UBR7: variants seen among roughly 807,000 people sequenced by gnomAD.
UBR7 encodes ubiquitin protein ligase E3 component n-recognin 7.
UBR7 carries 22 observed loss-of-function variants against 57.0 expected under a neutral mutation model. That is an observed-to-expected ratio of 0.39 (90% CI 0.28 to 0.55). The LOEUF (loss-of-function observed/expected upper bound fraction) is 0.55, where lower values mean the gene tolerates loss of function less well. Ranked by LOEUF, UBR7 falls within the 20% of genes least tolerant of loss-of-function variation. The probability of loss-of-function intolerance (pLI) is 0.69; values close to 1 mark genes in which losing one functional copy is unlikely to be tolerated. For synonymous variants in UBR7, 167 were observed against 179.8 expected (o/e 0.93, Z 0.57); for missense variants, 395 against 513.2 (o/e 0.77, Z 2.23).
At chr14:93,222,034 G>C (rs1044221273) in intron 9 of UBR7, among the ~76,000 whole-genome samples, 1 of 151,378 alleles carries the variant, frequency 6.6e-6, no homozygotes, top group Non-Finnish European at 1.5e-5. Flanking sequence ...GAAATAGGAA[G>C]CCCTTTTAAA....
At chr14:93,223,947 A>C (rs1018809555) in intron 10 of UBR7, 20 of 732,702 alleles carry the variant, frequency 2.7e-5, no homozygotes, top group Non-Finnish European at 4.4e-5. Context: ...ACCTGCCCAC[A>C]GTAGACAATC....
rs533612893 is a variant in UBR7 at position 93,220,293 on chromosome 14, C to T, written c.1005C>T (p.Tyr335=). The stretch of plus-strand genomic sequence containing the variant: ...ATGTCTTATTCCTGACAGATGAATA[C>T]GACACAGTTCTGGCTTATGAAAACA... ...DLDVLFLTDE[Y]DTVLAYENKG... The change falls in exon 9 of 11, where the codon TAC becomes TAT. Residue 335 remains tyrosine (Y), a synonymous_variant. Coordinates refer to ENST00000013070, the MANE Select transcript of UBR7 (RefSeq NM_175748.4). 3.2e-5 allele frequency: 51 copies of T among 1,602,788 alleles called. No homozygotes were observed. Among genetic ancestry groups the T allele is most frequent in the African/African-American group, 5.6e-5 (4 of 71,788 alleles).
At chr14:93,220,120 A>G in intron 8 of UBR7, 129 bp from the exon 9 acceptor site, 1 of 888,656 alleles carries the variant, frequency 1.1e-6, no homozygotes. Context: ...AAGACGCTCC[A>G]GTTTTTCTAG....
At chr14:93,223,580 C>T (rs538717116) in intron 10 of UBR7, 25 of 894,952 alleles carry the variant, frequency 2.8e-5, no homozygotes, top group South Asian at 4.2e-5. Context: ...GGGGCACACC[C>T]GGGCGAGGGC....
chr14:93,218,281 C>T (rs1333673698), intron 6 of UBR7, among the ~76,000 whole-genome samples: 2 of 151,734 alleles, frequency 1.3e-5, no homozygotes, highest in Non-Finnish European at 2.9e-5. Flanking sequence ...CATGGTGGCA[C>T]GCACCTGTAG....
At chr14:93,220,021 C>G (rs8018773) in intron 8 of UBR7, among the ~76,000 whole-genome samples, 6,530 of 151,874 alleles carry the variant, frequency 0.043, 160 homozygotes, top group African/African-American at 0.075. Context: ...AAATAAAGAT[C>G]TCATAGACCA....
At chr14:93,213,451 G>C (rs1260548901) in intron 4 of UBR7, among the ~76,000 whole-genome samples, 1 of 151,848 alleles carries the variant, frequency 6.6e-6, no homozygotes, top group Non-Finnish European at 1.5e-5. Context: ...GGGACTACAG[G>C]TGCCCGCCAC....
chr14:93,226,516 C>T (rs1176097591), intron 10 of UBR7, among the ~76,000 whole-genome samples: 2 of 152,110 alleles, frequency 1.3e-5, no homozygotes, highest in African/African-American at 2.4e-5. Context: ...GTAGGCTGGG[C>T]ACGGTGGCTC....
chr14:93,226,622 C>A (rs1341678208), intron 10 of UBR7, among the ~76,000 whole-genome samples: 1 of 152,002 alleles, frequency 6.6e-6, no homozygotes, highest in African/African-American at 2.4e-5. Context: ...AACCCCGTCT[C>A]TACTAAAAAT....
At chr14:93,210,753 T>A in intron 3 of UBR7, 45 bp downstream of exon 3, 1 of 1,521,358 alleles carries the variant, frequency 6.6e-7, no homozygotes, top group Non-Finnish European at 9.1e-7. Context: ...GCAGCTGAGG[T>A]TAATATTTGC....
At chr14:93,218,846 C>T (rs886431318) in intron 7 of UBR7, 111 bp downstream of exon 7, 13 of 1,150,646 alleles carry the variant, frequency 1.1e-5, no homozygotes, top group South Asian at 1.0e-4. Context: ...CCTGAGGTCA[C>T]GGGTTTGAGA....
At chr14:93,207,580 A>C in intron 1 of UBR7, 139 bp downstream of exon 1, 2 of 1,225,602 alleles carry the variant, frequency 1.6e-6, no homozygotes, top group Middle Eastern at 2.9e-4. Context: ...CCGCTTCCTC[A>C]CCCCAAGCTC....
chr14:93,223,722 G>A (rs1894766488), intron 10 of UBR7: 1 of 834,362 alleles, frequency 1.2e-6, no homozygotes, highest in South Asian at 1.4e-5. Flanking sequence ...CCGGCTGGCG[G>A]CACTTGCTGG....
chr14:93,213,203 C>G (rs1894520873), intron 4 of UBR7, among the ~76,000 whole-genome samples: 1 of 151,980 alleles, frequency 6.6e-6, no homozygotes, highest in Non-Finnish European at 1.5e-5. Flanking sequence ...AAAGTTGTAC[C>G]AGCAACAGTA....
At position 93,228,622 on chromosome 14, in the gene UBR7, G is replaced by A. The variant is rs1451466275; in HGVS notation, c.*1587G>A. Reference sequence around the variant, plus strand: ...GGAAGGTCTTGTGGCCACAGGACATGCTGGTGAGCCCTGAGCTGGCCTTGT... The same window carrying A: ...GGAAGGTCTTGTGGCCACAGGACATACTGGTGAGCCCTGAGCTGGCCTTGT... On this transcript the variant is annotated 3_prime_UTR_variant, in exon 11 of 11. Transcript: ENST00000013070. 4.4e-6 allele frequency: 2 copies of A among 454,130 alleles called. No individual in the cohort carries two copies. Among genetic ancestry groups the A allele is most frequent in the Non-Finnish European group, 8.8e-6 (2 of 226,798 alleles). The allele number at this position is 454,130 out of a possible 1,614,324, so 28.1% of individuals were successfully genotyped here.
At chr14:93,222,613 G>A (rs528908368) in intron 10 of UBR7, among the ~76,000 whole-genome samples, 1 of 151,942 alleles carries the variant, frequency 6.6e-6, no homozygotes, top group Non-Finnish European at 1.5e-5. Context: ...CGTGGTGATG[G>A]GCGCCTGTAG....
At chr14:93,223,703 G>T in intron 10 of UBR7, 1 of 978,122 alleles carries the variant, frequency 1.0e-6, no homozygotes, top group Non-Finnish European at 1.6e-6. Context: ...GGAACTGCTT[G>T]ATGGCCGGCC....
At chr14:93,224,141 G>C in intron 10 of UBR7, 1 of 692,536 alleles carries the variant, frequency 1.4e-6, no homozygotes, top group East Asian at 2.7e-5. Context: ...GGCCTTCATG[G>C]CGTCCTCTCC....
chr14:93,218,487 A>T lies in UBR7; in HGVS notation c.602-40A>T, dbSNP rs745630593. On this transcript the variant is annotated intron_variant, in intron 6 of 10. Coordinates refer to ENST00000013070, the MANE Select transcript of UBR7 (RefSeq NM_175748.4). Reference sequence around the variant, plus strand: ...ATTTTATTGTCCGTTAGGTCAGTGGATATGTGTGTATGTGTTTTTCTTTTT... The same window carrying T: ...ATTTTATTGTCCGTTAGGTCAGTGGTTATGTGTGTATGTGTTTTTCTTTTT... 9 of 1,525,690 alleles carry T rather than the reference A, an allele frequency of 5.9e-6. No homozygotes were observed. The Admixed American group carries it at 1.5e-4, about 25-fold the overall frequency. The allele number at this position is 1,525,690 out of a possible 1,614,324, so 94.5% of individuals were successfully genotyped here.
Sources: allele counts gnomAD v4.1 joint callset (sites outside exome capture counted in the v4.1 genomes callset), GRCh38; gene constraint gnomAD v4.1.1; transcripts MANE v1.5; gene names NCBI Gene and HGNC (gene_info 2026-07-23, HGNC 2026-07-21).